Variants in ZFPM2 observed in about 807,000 individuals in gnomAD.
ZFPM2 encodes the protein zinc finger protein, FOG family member 2, also known as zinc finger protein ZFPM2.
Under a neutral mutation model 98.6 loss-of-function variants are expected in ZFPM2, and 20 were observed. The observed-to-expected ratio is 0.20, with a 90% CI of 0.14 to 0.29. The LOEUF is 0.29. ZFPM2 is among the 10% of genes least tolerant of loss of function. The pLI, the probability that ZFPM2 is intolerant of heterozygous loss-of-function variation, is 1.00. For synonymous variants in ZFPM2, 518 were observed against 502.7 expected (o/e 1.03, Z -0.41); for missense variants, 1,310 against 1,388.6 (o/e 0.94, Z 0.90).
chr8:105,688,879 T>G (rs1586199123), intron 5 of ZFPM2, among the ~76,000 whole-genome samples: 1 of 152,310 alleles, frequency 6.6e-6, no homozygotes, highest in East Asian at 1.9e-4. Context: ...ATTGTATTAA[T>G]ATAGCAGCTT....
At chr8:105,669,038 T>G (rs1817539916) in intron 5 of ZFPM2, among the ~76,000 whole-genome samples, 1 of 152,190 alleles carries the variant, frequency 6.6e-6, no homozygotes, top group East Asian at 1.9e-4. Context: ...ACCTGAGGAC[T>G]ACATTTGGAA....
chr8:105,778,888 T>G (rs1445091564), intron 5 of ZFPM2, among the ~76,000 whole-genome samples: 1 of 145,694 alleles, frequency 6.9e-6, no homozygotes, highest in African/African-American at 2.7e-5. Context: ...TCACAGAAAC[T>G]GTCATCTTTT....
chr8:105,446,922 G>C lies in ZFPM2; in HGVS notation c.301+2541G>C, dbSNP rs1294574001. Among the ~76,000 whole-genome samples the C allele has an allele frequency of 2.0e-5, 3 of 152,078 alleles. No homozygotes were observed. In the South Asian group the frequency reaches 6.2e-4, roughly 31 times the overall value. On this transcript the variant is annotated intron_variant, in intron 3 of 7. Transcript: ENST00000407775. ...AATTTCCTTTAATCAGGAGATTAGG[G>C]AGAAAGTAGGGGGTATTTCGTGTTT...
chr8:105,569,077 C>T (rs1815301851), intron 4 of ZFPM2, among the ~76,000 whole-genome samples: 1 of 152,084 alleles, frequency 6.6e-6, no homozygotes, highest in Non-Finnish European at 1.5e-5. Flanking sequence ...TCTGAAGCCT[C>T]CTGTCTGGAA....
chr8:105,743,552 G>C (rs1812273960), intron 5 of ZFPM2, among the ~76,000 whole-genome samples: 1 of 151,986 alleles, frequency 6.6e-6, no homozygotes, highest in Non-Finnish European at 1.5e-5. Context: ...GGAAGCTGGT[G>C]GGGGTGTTGG....
intron 7 of ZFPM2, among the ~76,000 whole-genome samples, chr8:105,800,364 T>G (rs1813964620): frequency 6.6e-6 from 1 of 152,132 alleles, no homozygotes; most frequent in African/African-American, 2.4e-5. Context: ...GGACTAGAAA[T>G]AGGCAGTGAT....
chr8:105,534,207 T>C (rs1378789747), intron 3 of ZFPM2, among the ~76,000 whole-genome samples: 13 of 42,922 alleles, frequency 3.0e-4, no homozygotes, highest in African/African-American at 4.9e-4. Context: ...CTCCCTCCCT[T>C]CTTCCTTCTT....
At chr8:105,560,568 T>C (rs1486118642) in intron 3 of ZFPM2, among the ~76,000 whole-genome samples, 2 of 138,300 alleles carry the variant, frequency 1.4e-5, no homozygotes, top group Non-Finnish European at 3.1e-5. Flanking sequence ...ATTTAAGCTA[T>C]TGGCCGTTTT....
chr8:105,444,215 G>T, intron 2 of ZFPM2, 65 bp from the exon 3 acceptor site: 2 of 1,231,044 alleles, frequency 1.6e-6, no homozygotes, highest in South Asian at 2.6e-5. Context: ...CCCTTTATGA[G>T]GGTGTGAATG....
At chr8:105,387,456 G>A (rs1266315550) in intron 1 of ZFPM2, 1 of 153,914 alleles carries the variant, frequency 6.5e-6, no homozygotes, top group Non-Finnish European at 1.4e-5. Context: ...GTGGGCTGCA[G>A]GTCCCAAGCC....
intron 3 of ZFPM2, among the ~76,000 whole-genome samples, chr8:105,461,911 T>C (rs1812710873): frequency 6.6e-6 from 1 of 152,176 alleles, no homozygotes; most frequent in African/African-American, 2.4e-5. Context: ...CCGGAGATTG[T>C]GTGTATGTCA....
intron 5 of ZFPM2, among the ~76,000 whole-genome samples, chr8:105,783,601 G>C (rs1813325496): frequency 6.6e-6 from 1 of 151,982 alleles, no homozygotes; most frequent in South Asian, 2.1e-4. Flanking sequence ...TGTATGATTT[G>C]GGATACCTTA....
chr8:105,463,888 C>G (rs1028128320), intron 3 of ZFPM2, among the ~76,000 whole-genome samples: 2 of 152,036 alleles, frequency 1.3e-5, no homozygotes, highest in African/African-American at 4.8e-5. Context: ...CTAGCCCAAC[C>G]AACATATTGT....
rs773023421 is a variant in ZFPM2 at position 105,617,020 on chromosome 8, GAAAAAAAAAAAAAAAAAAAAAAAAA to G, written c.421-17210_421-17186del. ...GGACTACTGAGCAAGACTCTGTCTC[GAAAAAAAAAAAAAAAAAAAAAAAAA>G]AAAAAAAAAAAAAAAGATCCACACC... On this transcript the variant is annotated intron_variant, in intron 4 of 7. Transcript: ENST00000407775. Among the ~76,000 whole-genome samples, 254 of 28,136 alleles carry G rather than the reference GAAAAAAAAAAAAAAAAAAAAAAAAA, an allele frequency of 9.0e-3. 3 individuals are homozygous for G. Among genetic ancestry groups the G allele is most frequent in the Middle Eastern group, 0.071 (1 of 14 alleles). 18.5% of individuals were successfully genotyped at this position (28,136 alleles called of 152,430 possible).
chr8:105,546,208 G>A (rs1814693126), intron 3 of ZFPM2, among the ~76,000 whole-genome samples: 1 of 152,114 alleles, frequency 6.6e-6, no homozygotes, highest in African/African-American at 2.4e-5. Context: ...CGATTATCAA[G>A]CAAATCTGCA....
chr8:105,502,917 G>A (rs910269911), intron 3 of ZFPM2, among the ~76,000 whole-genome samples: 1 of 152,170 alleles, frequency 6.6e-6, no homozygotes, highest in Non-Finnish European at 1.5e-5. Context: ...TTACGAGCAG[G>A]TGGTATCATT....
chr8:105,732,308 T>A (rs774860835), intron 5 of ZFPM2, among the ~76,000 whole-genome samples: 4 of 151,824 alleles, frequency 2.6e-5, no homozygotes. Context: ...CTTAATCTCC[T>A]TAAAGCACCT....
intron 3 of ZFPM2, among the ~76,000 whole-genome samples, chr8:105,472,373 C>G (rs1394280395): frequency 6.6e-6 from 1 of 152,196 alleles, no homozygotes; most frequent in East Asian, 1.9e-4. Context: ...TCACCAACAT[C>G]ACAGAAGGCA....
chr8:105,677,993 A>T (rs1563517519), intron 5 of ZFPM2, among the ~76,000 whole-genome samples: 1 of 152,098 alleles, frequency 6.6e-6, no homozygotes, highest in Non-Finnish European at 1.5e-5. Context: ...ATTTCAGAGG[A>T]TTTTTTTAAA....
Sources: allele counts gnomAD v4.1 joint callset (sites outside exome capture counted in the v4.1 genomes callset), GRCh38; gene constraint gnomAD v4.1.1; transcripts MANE v1.5; gene names NCBI Gene and HGNC (gene_info 2026-07-23, HGNC 2026-07-21).